CNIH3: variants seen among roughly 807,000 people sequenced by gnomAD.
CNIH3 encodes protein cornichon homolog 3.
A neutral mutation model predicts 24.1 loss-of-function variants in CNIH3; 14 were observed. That is an observed-to-expected ratio of 0.58 (90% confidence interval 0.38 to 0.91). The LOEUF (loss-of-function observed/expected upper bound fraction) is 0.91, where lower values mean the gene tolerates loss of function less well. Ranked by LOEUF, CNIH3 falls within the 40% of genes least tolerant of loss-of-function variation. The pLI is 0.00. For missense variants in CNIH3, 178 were observed against 196.8 expected, an observed-to-expected ratio of 0.90 and a Z score of 0.57; for synonymous variants, 68 against 73.8, an observed-to-expected ratio of 0.92 and a Z score of 0.40.
chr1:224,695,611 C>T (rs1687128251), intron 3 of CNIH3, among the ~76,000 whole-genome samples: 1 of 152,234 alleles, frequency 6.6e-6, no homozygotes, highest in East Asian at 1.9e-4. Flanking sequence ...AGTCCATGTT[C>T]ACAGTCCTCA....
chr1:224,446,212 G>GTTT (rs35812016), intron 1 of CNIH3, among the ~76,000 whole-genome samples: 6 of 108,890 alleles, frequency 5.5e-5, no homozygotes, highest in Admixed American at 9.8e-5. Flanking sequence ...TTTCAACTTT[G>GTTT]TTTTTTTTTT....
intron 4 of CNIH3, among the ~76,000 whole-genome samples, chr1:224,578,456 T>C (rs1379870030): frequency 1.3e-5 from 2 of 152,170 alleles, no homozygotes; most frequent in African/African-American, 4.8e-5. Context: ...CTTAAGGGTT[T>C]CCTTCACCAT....
chr1:224,557,938 T>C (rs946208037), intron 3 of CNIH3, among the ~76,000 whole-genome samples: 8 of 152,204 alleles, frequency 5.3e-5, no homozygotes, highest in African/African-American at 1.9e-4. Flanking sequence ...ATTTTACAGA[T>C]AAAGGAAAAG....
upstream of CNIH3, among the ~76,000 whole-genome samples, chr1:224,512,291 T>G (rs1417224785): frequency 1.3e-5 from 2 of 152,060 alleles, no homozygotes; most frequent in Admixed American, 6.5e-5. Context: ...GAGACTAGCC[T>G]GGGCAAGAAA....
chr1:224,678,175 T>C (rs1686227361), intron 1 of CNIH3, among the ~76,000 whole-genome samples: 1 of 152,150 alleles, frequency 6.6e-6, no homozygotes, highest in Non-Finnish European at 1.5e-5. Flanking sequence ...TAGGGAGGAA[T>C]TAACCAGGAT....
upstream of CNIH3, among the ~76,000 whole-genome samples, chr1:224,615,018 A>G (rs1252576191): frequency 6.6e-6 from 1 of 152,182 alleles, no homozygotes; most frequent in South Asian, 2.1e-4. Flanking sequence ...ATGTTGGGGC[A>G]TAGTAGAAAG....
intron 1 of CNIH3, among the ~76,000 whole-genome samples, chr1:224,667,094 A>G (rs928368126): frequency 2.6e-5 from 4 of 152,192 alleles, no homozygotes; most frequent in African/African-American, 7.2e-5. Context: ...TGCCTCATAC[A>G]TAGTAAGTGC....
intron 1 of CNIH3, among the ~76,000 whole-genome samples, chr1:224,490,576 T>C (rs192992711): frequency 6.6e-6 from 1 of 152,366 alleles, no homozygotes; most frequent in East Asian, 1.9e-4. Flanking sequence ...ATAACTCATT[T>C]GAAATTTTGT....
chr1:224,451,784 G>C (rs1299364520), intron 1 of CNIH3, among the ~76,000 whole-genome samples: 2 of 152,178 alleles, frequency 1.3e-5, no homozygotes, highest in African/African-American at 2.4e-5. Context: ...TCCCCAGTCA[G>C]ATTGCTTCTG....
intron 3 of CNIH3, among the ~76,000 whole-genome samples, chr1:224,696,739 A>G (rs1185994853): frequency 6.6e-6 from 1 of 151,900 alleles, no homozygotes; most frequent in Non-Finnish European, 1.5e-5. Context: ...TACCATGTAC[A>G]TAGTTGGTTG....
At chr1:224,695,357 AACACACACACACACAC>A (rs56245587) in intron 3 of CNIH3, among the ~76,000 whole-genome samples, 4 of 145,736 alleles carry the variant, frequency 2.7e-5, no homozygotes, top group South Asian at 2.2e-4. Flanking sequence ...TCTCTTTCTA[AACACACACACACACAC>A]ACACACACAC....
intron 1 of CNIH3, among the ~76,000 whole-genome samples, chr1:224,455,061 T>G (rs1180202474): frequency 6.6e-6 from 1 of 152,204 alleles, no homozygotes; most frequent in Non-Finnish European, 1.5e-5. Context: ...ACTTCATAGC[T>G]TAGCCTAGCC....
intron 1 of CNIH3, among the ~76,000 whole-genome samples, chr1:224,492,391 T>C (rs1200499445): frequency 6.6e-6 from 1 of 152,230 alleles, no homozygotes; most frequent in Non-Finnish European, 1.5e-5. Flanking sequence ...ATTTGGGTCT[T>C]GGTTATTGTT....
chr1:224,710,499 T>C (rs1688080769), intron 3 of CNIH3, among the ~76,000 whole-genome samples: 1 of 152,198 alleles, frequency 6.6e-6, no homozygotes, highest in Admixed American at 6.5e-5. Flanking sequence ...TACCCAGAAA[T>C]CTCTGGATCC....
rs533273369 is a variant in CNIH3, at chr1:224,616,848, C to T, written c.-327C>T. The T allele has an allele frequency of 3.2e-5, 37 of 1,160,352 alleles. No homozygotes were observed. The South Asian group carries it at 1.0e-3, about 31-fold the overall frequency. 71.9% of individuals were successfully genotyped at this position (1,160,352 alleles called of 1,614,324 possible). A position where few individuals can be genotyped will look rare whatever the true frequency, so the allele number is the denominator to read the frequency against. ...GTCGCATCGCTTGTCGTGTTGGTCTCGAGGGGCTCACAGCTTGGCACTAAT... is the reference window on the plus strand; with the variant it reads ...GTCGCATCGCTTGTCGTGTTGGTCTTGAGGGGCTCACAGCTTGGCACTAAT... On this transcript the variant is annotated 5_prime_UTR_variant, in exon 1 of 6. Transcript: ENST00000272133.
upstream of CNIH3, among the ~76,000 whole-genome samples, chr1:224,511,476 A>G (rs975086507): frequency 1.3e-5 from 2 of 152,232 alleles, no homozygotes; most frequent in African/African-American, 4.8e-5. Flanking sequence ...CAAAGTGGGT[A>G]GACTGGTTTT....
downstream of CNIH3, among the ~76,000 whole-genome samples, chr1:224,538,523 T>C (rs369288711): frequency 3.9e-5 from 6 of 152,252 alleles, no homozygotes; most frequent in South Asian, 1.2e-3. Flanking sequence ...AGCTTTTATT[T>C]GGTGGAGTTT....
At chr1:224,610,513 C>T (rs551533744) in intron 3 of CNIH3, among the ~76,000 whole-genome samples, 5 of 152,272 alleles carry the variant, frequency 3.3e-5, no homozygotes, top group African/African-American at 2.4e-5. Context: ...CTTGCTTCCC[C>T]GTTGCCTTCT....
chr1:224,567,648 G>A (rs747830162), intron 4 of CNIH3, among the ~76,000 whole-genome samples: 34 of 152,200 alleles, frequency 2.2e-4, no homozygotes, highest in Non-Finnish European at 4.6e-4. Context: ...GAGAGTGTGT[G>A]ATTGTGCAGG....
Sources: allele counts gnomAD v4.1 joint callset (sites outside exome capture counted in the v4.1 genomes callset), GRCh38; gene constraint gnomAD v4.1.1; transcripts MANE v1.5; gene names NCBI Gene and HGNC (gene_info 2026-07-23, HGNC 2026-07-21).